MGAT4C: variants seen among roughly 807,000 people sequenced by gnomAD.
MGAT4C encodes MGAT4 family member C.
A neutral mutation model predicts 40.1 loss-of-function variants in MGAT4C; 19 were observed. The observed-to-expected ratio is 0.47, with a 90% confidence interval of 0.33 to 0.70. The LOEUF is 0.70. Ranked by LOEUF, MGAT4C falls within the 30% of genes least tolerant of loss-of-function variation. The pLI is 0.02. For synonymous variants in MGAT4C, 181 were observed against 187.1 expected (o/e 0.97, Z 0.27); for missense variants, 491 against 563.2 (o/e 0.87, Z 1.30).
intron 2 of MGAT4C, among the ~76,000 whole-genome samples, chr12:86,472,799 G>A (rs1957774603): frequency 6.6e-6 from 1 of 152,006 alleles, no homozygotes; most frequent in African/African-American, 2.4e-5. Context: ...TATAAATTTT[G>A]AGTCACAGAT....
chr12:86,346,960 C>T lies in MGAT4C; in HGVS notation c.-119-12833G>A, dbSNP rs141049252. On this transcript the variant is annotated intron_variant, in intron 3 of 7. Coordinates refer to the MGAT4C transcript ENST00000548651. ...CTTCCTGCCCTTGAACATTAGACTC[C>T]AATTTCTCTGGCTTTTGGACCCTTG... 1.2e-4 allele frequency among the ~76,000 whole-genome samples: 19 copies of T among 152,264 alleles called. No individual in the cohort carries two copies. The East Asian group carries it at 3.7e-3, about 29-fold the overall frequency.
chr12:86,175,264 G>T (rs1165169822), intron 1 of MGAT4C, among the ~76,000 whole-genome samples: 1 of 152,070 alleles, frequency 6.6e-6, no homozygotes, highest in Non-Finnish European at 1.5e-5. Flanking sequence ...TTAAATAATT[G>T]CCTTAATAAT....
intron 1 of MGAT4C, among the ~76,000 whole-genome samples, chr12:86,135,035 A>G (rs1302409434): frequency 6.6e-6 from 1 of 152,162 alleles, no homozygotes; most frequent in African/African-American, 2.4e-5. Context: ...CCCCAAATCC[A>G]GAAAGTAAGC....
chr12:86,052,517 T>C (rs1458252358), intron 1 of MGAT4C, among the ~76,000 whole-genome samples: 1 of 152,158 alleles, frequency 6.6e-6, no homozygotes, highest in South Asian at 2.1e-4. Flanking sequence ...AAGAAATGCA[T>C]ACTTCCTGTA....
chr12:86,372,746 C>A (rs1955741776), intron 3 of MGAT4C, among the ~76,000 whole-genome samples: 1 of 151,768 alleles, frequency 6.6e-6, no homozygotes, highest in Non-Finnish European at 1.5e-5. Context: ...TATTCAATTG[C>A]AATAGCTTGC....
At chr12:86,409,489 CA>C (rs1956560384) in intron 3 of MGAT4C, among the ~76,000 whole-genome samples, 1 of 151,902 alleles carries the variant, frequency 6.6e-6, no homozygotes, top group Admixed American at 6.6e-5. Flanking sequence ...TGCTTGTTAA[CA>C]AAAACTATTA....
chr12:86,310,154 ATT>A (rs1368528366), intron 4 of MGAT4C, among the ~76,000 whole-genome samples: 24 of 145,092 alleles, frequency 1.7e-4, no homozygotes, highest in Admixed American at 2.1e-4. Flanking sequence ...CTCAAACTCA[ATT>A]TTTTTTTTTT....
chr12:85,996,337 G>A (rs1460958020), intron 2 of MGAT4C, among the ~76,000 whole-genome samples: 1 of 152,134 alleles, frequency 6.6e-6, no homozygotes, highest in African/African-American at 2.4e-5. Context: ...TGTGCGAAAT[G>A]CAAATACACT....
chr12:86,617,288 T>C (rs1042951621), intron 2 of MGAT4C, among the ~76,000 whole-genome samples: 15 of 152,216 alleles, frequency 9.9e-5, no homozygotes, highest in Non-Finnish European at 1.6e-4. Context: ...GTCTTCATAG[T>C]AGCTATGTAT....
chr12:86,519,789 A>G (rs1157207818), intron 2 of MGAT4C, among the ~76,000 whole-genome samples: 1 of 152,094 alleles, frequency 6.6e-6, no homozygotes, highest in Non-Finnish European at 1.5e-5. Flanking sequence ...AGCCCTTTAT[A>G]TATTCTGGTT....
chr12:86,529,591 A>G (rs1958943090), intron 2 of MGAT4C, among the ~76,000 whole-genome samples: 2 of 152,056 alleles, frequency 1.3e-5, no homozygotes, highest in African/African-American at 4.8e-5. Context: ...TATCTCTGTT[A>G]TAAGTCCCAT....
chr12:86,516,628 A>G (rs1479801216), intron 2 of MGAT4C, among the ~76,000 whole-genome samples: 1 of 152,184 alleles, frequency 6.6e-6, no homozygotes, highest in Non-Finnish European at 1.5e-5. Context: ...TGTACTTTAT[A>G]AAAATTATAA....
chr12:86,082,388 T>C (rs1256890838), intron 1 of MGAT4C, among the ~76,000 whole-genome samples: 8 of 152,204 alleles, frequency 5.3e-5, no homozygotes, highest in Non-Finnish European at 1.0e-4. Context: ...CTTGGACTAA[T>C]TGGAAATAAG....
Position 86,367,661 on chromosome 12 carries a change from T to A in MGAT4C, c.-119-33534A>T, listed in dbSNP as rs577098430. ...AAAAATACAAAAAATTAGCTGGGCG[T>A]GGTGGCAGGTGCCTGTAGTCCCAGC... On this transcript the variant is annotated intron_variant, in intron 3 of 7. Transcript: ENST00000548651. Among the ~76,000 whole-genome samples, 10 of 152,166 alleles carry A rather than the reference T, an allele frequency of 6.6e-5. No individual in the cohort carries two copies. The East Asian group carries it at 1.9e-3, about 30-fold the overall frequency.
chr12:86,217,142 A>C (rs964862550), intron 1 of MGAT4C, among the ~76,000 whole-genome samples: 3 of 152,126 alleles, frequency 2.0e-5, no homozygotes, highest in Non-Finnish European at 2.9e-5. Context: ...ACAGTGATCA[A>C]AATGTTTCCC....
intron 2 of MGAT4C, among the ~76,000 whole-genome samples, chr12:86,721,484 A>G (rs1950735356): frequency 6.6e-6 from 1 of 151,978 alleles, no homozygotes; most frequent in African/African-American, 2.4e-5. Flanking sequence ...ATTCACCTTT[A>G]AAATGTTCTT....
At chr12:86,293,232 T>C (rs1212022671) in intron 4 of MGAT4C, among the ~76,000 whole-genome samples, 1 of 152,174 alleles carries the variant, frequency 6.6e-6, no homozygotes, top group Admixed American at 6.5e-5. Context: ...AGACAGTGTG[T>C]ACATGGGGTT....
chr12:86,497,042 C>G (rs1407094579), intron 2 of MGAT4C, among the ~76,000 whole-genome samples: 1 of 151,944 alleles, frequency 6.6e-6, no homozygotes, highest in Non-Finnish European at 1.5e-5. Context: ...AAAATTTAAA[C>G]ACATAATACA....
chr12:86,362,538 A>C (rs1955499935), intron 3 of MGAT4C, among the ~76,000 whole-genome samples: 1 of 152,190 alleles, frequency 6.6e-6, no homozygotes, highest in Non-Finnish European at 1.5e-5. Flanking sequence ...GACTGGATTA[A>C]AACAAGAATA....
Sources: gnomAD v4.1 joint callset for allele counts (sites outside exome capture counted in the v4.1 genomes callset) on GRCh38, gnomAD v4.1.1 for gene constraint, MANE v1.5 for transcripts, NCBI Gene and HGNC (gene_info 2026-07-23, HGNC 2026-07-21) for gene names.